PRKAR2A: variants seen among roughly 807,000 people sequenced by gnomAD.
The protein encoded by PRKAR2A is protein kinase cAMP-dependent type II regulatory subunit alpha.
In PRKAR2A, 29 loss-of-function variants were observed where a neutral mutation model predicts 51.9. The ratio of observed to expected loss-of-function variants is 0.56; its 90% confidence interval spans 0.42 to 0.76. The LOEUF is 0.76. Among genes scored for constraint, PRKAR2A ranks in the 30% least tolerant of loss-of-function variants. The pLI, the probability that PRKAR2A is intolerant of heterozygous loss-of-function variation, is 0.00. For synonymous variants in PRKAR2A, 178 were observed against 186.2 expected (o/e 0.96, Z 0.36); for missense variants, 445 against 512.1 (o/e 0.87, Z 1.26).
chr3:48,830,559 A>G (rs1265127431), intron 1 of PRKAR2A, among the ~76,000 whole-genome samples: 1 of 152,194 alleles, frequency 6.6e-6, no homozygotes, highest in Non-Finnish European at 1.5e-5. Flanking sequence ...ATCATGTACT[A>G]CAACAGTCCC....
chr3:48,819,413 A>G (rs1385781948), intron 1 of PRKAR2A, among the ~76,000 whole-genome samples: 1 of 152,054 alleles, frequency 6.6e-6, no homozygotes, highest in African/African-American at 2.4e-5. Context: ...CTTCACAACA[A>G]CCCTATTACC....
At chr3:48,825,028 C>CTTTTTT (rs1168503342) in intron 1 of PRKAR2A, among the ~76,000 whole-genome samples, 60 of 74,668 alleles carry the variant, frequency 8.0e-4, no homozygotes, top group African/African-American at 1.8e-3. Context: ...ATTTTCTTTT[C>CTTTTTT]TTTTTTTTTT....
chr3:48,752,721 C>T (rs2081672181), intron 9 of PRKAR2A, among the ~76,000 whole-genome samples: 1 of 151,544 alleles, frequency 6.6e-6, no homozygotes, highest in Non-Finnish European at 1.5e-5. Flanking sequence ...TTTTAAGAGA[C>T]AGGGTCTCAC....
rs146165832 is a variant in PRKAR2A at position 48,767,466 on chromosome 3, G to A, written c.697-2117C>T. Reference sequence around the variant, plus strand: ...TGCACTCCAGCCTGGGTAACAGAGCGAGACCCTGCCTCGAAAAAAACAAAA... The same window carrying A: ...TGCACTCCAGCCTGGGTAACAGAGCAAGACCCTGCCTCGAAAAAAACAAAA... On this transcript the variant is annotated intron_variant, in intron 6 of 10. Transcript: ENST00000265563. Among the ~76,000 whole-genome samples, 746 of 151,600 alleles carry A rather than the reference G, an allele frequency of 4.9e-3. 6 individuals carry two copies. The highest frequency in any genetic ancestry group is 0.017 in the African/African-American group (704 of 41,336).
At chr3:48,799,830 A>C (rs2082556866) in intron 2 of PRKAR2A, among the ~76,000 whole-genome samples, 1 of 152,150 alleles carries the variant, frequency 6.6e-6, no homozygotes, top group African/African-American at 2.4e-5. Flanking sequence ...TAATAAATAA[A>C]AGTTGGGCTT....
intron 9 of PRKAR2A, 108 bp downstream of exon 9, chr3:48,756,271 C>T (rs2081762251): frequency 1.0e-6 from 1 of 954,956 alleles, no homozygotes; most frequent in East Asian, 2.4e-5. Context: ...GCCAGTCACA[C>T]ACCTCACATA....
At chr3:48,768,389 A>G (rs2081974896) in intron 6 of PRKAR2A, among the ~76,000 whole-genome samples, 2 of 151,960 alleles carry the variant, frequency 1.3e-5, no homozygotes, top group Admixed American at 1.3e-4. Flanking sequence ...ACACACATAC[A>G]TAGATACATA....
intron 1 of PRKAR2A, among the ~76,000 whole-genome samples, chr3:48,839,381 T>G (rs1406613504): frequency 6.8e-6 from 1 of 147,740 alleles, no homozygotes; most frequent in Non-Finnish European, 1.5e-5. Flanking sequence ...GTGAAGCATA[T>G]CTCTATAAAG....
rs35267173 is a variant in PRKAR2A at position 48,748,128 on chromosome 3, C to CT, written c.*3456dup. On this transcript the variant is annotated 3_prime_UTR_variant, in exon 11 of 11. Coordinates refer to ENST00000265563, the MANE Select transcript of PRKAR2A (RefSeq NM_004157.4). ...TCAATCAGTAGTTGGAGGAGGATGA[C>CT]TTTTTTTTTTTTTTTTTGAGATAGG... 0.079 allele frequency: 10,755 copies of CT among 136,586 alleles called. 507 individuals are homozygous for CT. Among genetic ancestry groups the CT allele is most frequent in the Middle Eastern group, 0.11 (29 of 268 alleles). The allele number at this position is 136,586 out of a possible 1,614,324, so 8.5% of individuals were successfully genotyped here. A position where few individuals can be genotyped will look rare whatever the true frequency, so the allele number is the denominator to read the frequency against.
chr3:48,768,631 G>A (rs1427040132), intron 6 of PRKAR2A, among the ~76,000 whole-genome samples: 3 of 151,912 alleles, frequency 2.0e-5, no homozygotes, highest in African/African-American at 7.3e-5. Flanking sequence ...CCTGGAGGCA[G>A]AGGATGCAGT....
At chr3:48,760,133 C>T (rs1163829552) in intron 8 of PRKAR2A, among the ~76,000 whole-genome samples, 2 of 152,142 alleles carry the variant, frequency 1.3e-5, no homozygotes, top group Non-Finnish European at 2.9e-5. Context: ...GCGGACAGAT[C>T]ACCTGAGGTC....
intron 1 of PRKAR2A, among the ~76,000 whole-genome samples, chr3:48,826,488 C>A (rs2083069023): frequency 6.6e-6 from 1 of 152,136 alleles, no homozygotes; most frequent in Non-Finnish European, 1.5e-5. Flanking sequence ...ATGGATTTAC[C>A]TACCAGGATG....
chr3:48,767,786 T>C lies in PRKAR2A; in HGVS notation c.697-2437A>G, dbSNP rs146370613. Among the ~76,000 whole-genome samples, 943 of 151,426 alleles carry C rather than the reference T, an allele frequency of 6.2e-3. 14 individuals carry two copies. Among genetic ancestry groups the C allele is most frequent in the African/African-American group, 0.022 (900 of 41,096 alleles). On this transcript the variant is annotated intron_variant, in intron 6 of 10. Transcript: ENST00000265563. Reference sequence around the variant, plus strand: ...AAAAATACAAAAAATTAGCTGGGCATGGCGGCACGCGCCTGCAGTCCCAGC... The same window carrying C: ...AAAAATACAAAAAATTAGCTGGGCACGGCGGCACGCGCCTGCAGTCCCAGC...
At chr3:48,821,646 A>T (rs1295271228) in intron 1 of PRKAR2A, among the ~76,000 whole-genome samples, 1 of 152,338 alleles carries the variant, frequency 6.6e-6, no homozygotes, top group East Asian at 1.9e-4. Flanking sequence ...GACCAGGCAC[A>T]GTGGCTCACG....
intron 9 of PRKAR2A, among the ~76,000 whole-genome samples, chr3:48,754,204 C>G (rs544110538): frequency 1.3e-5 from 2 of 151,024 alleles, no homozygotes; most frequent in South Asian, 4.2e-4. Flanking sequence ...CAGGCCAAAA[C>G]TATTGTTTTC....
intron 1 of PRKAR2A, among the ~76,000 whole-genome samples, chr3:48,821,861 G>A (rs1424179932): frequency 6.7e-6 from 1 of 150,100 alleles, no homozygotes; most frequent in African/African-American, 2.5e-5. Context: ...GTTGCAGTGA[G>A]CCGAGATTGC....
intron 2 of PRKAR2A, among the ~76,000 whole-genome samples, chr3:48,794,765 A>C (rs902344085): frequency 5.9e-5 from 9 of 152,188 alleles, no homozygotes; most frequent in African/African-American, 2.2e-4. Flanking sequence ...AAGAGTATAT[A>C]TGGCATGCTA....
intron 1 of PRKAR2A, among the ~76,000 whole-genome samples, chr3:48,808,040 CTTTCTTTCTTT>C (rs1208538638): frequency 7.2e-6 from 1 of 139,258 alleles, no homozygotes; most frequent in Non-Finnish European, 1.5e-5. Flanking sequence ...TTCTTTTTTT[CTTTCTTTCTTT>C]TTTTTTTTTT....
chr3:48,820,366 C>T (rs760265319), intron 1 of PRKAR2A, among the ~76,000 whole-genome samples: 30 of 152,096 alleles, frequency 2.0e-4, no homozygotes, highest in East Asian at 3.9e-4. Flanking sequence ...TGAATGGTAA[C>T]GGGAATGGAG....
Sources: gnomAD v4.1 joint callset for allele counts (sites outside exome capture counted in the v4.1 genomes callset) on GRCh38, gnomAD v4.1.1 for gene constraint, MANE v1.5 for transcripts, NCBI Gene and HGNC (gene_info 2026-07-23, HGNC 2026-07-21) for gene names.